Variants in RBM20 observed in about 807,000 individuals in gnomAD.
The protein encoded by RBM20 is RNA-binding protein 20.
Under a neutral mutation model 110.1 loss-of-function variants are expected in RBM20, and 51 were observed. That is an observed-to-expected ratio of 0.46 (90% CI 0.37 to 0.59). The LOEUF is 0.59. Ranked by LOEUF, RBM20 falls within the 20% of genes least tolerant of loss-of-function variation. The pLI is 0.00. For missense variants in RBM20, 1,512 were observed against 1,574.9 expected, an observed-to-expected ratio of 0.96 and a Z score of 0.68; for synonymous variants, 589 against 618.2, an observed-to-expected ratio of 0.95 and a Z score of 0.70.
intron 11 of RBM20, 126 bp downstream of exon 11, chr10:110,822,061 A>G: frequency 1.0e-6 from 1 of 959,616 alleles, no homozygotes; most frequent in Non-Finnish European, 1.6e-6. Flanking sequence ...AAGTGGGTGC[A>G]GAAAGTGATT....
At chr10:110,735,768 C>T (rs2039902) in intron 1 of RBM20, among the ~76,000 whole-genome samples, 15,512 of 152,244 alleles carry the variant, frequency 0.1, 1,073 homozygotes, top group Non-Finnish European at 0.15. Flanking sequence ...TCGGCTACTA[C>T]ATGTAGAGCT....
rs1564843957 is a variant in RBM20 at position 110,781,300 on chromosome 10, T to A, written c.691T>A (p.Tyr231Asn). Residue 231 changes from tyrosine to asparagine, a missense_variant, in exon 2 of 14, where the codon TAT becomes AAT. Tyr to Asn is a moderately radical substitution (Grantham distance 143, BLOSUM62 -2). This residue lies in a region of RBM20 where 1,149 missense variants were observed against 1,169.4 expected (regional missense o/e 0.98). Coordinates refer to ENST00000369519, the MANE Select transcript of RBM20 (RefSeq NM_001134363.3). ...PAPATAGFYEYGKASSGQTYG... is the reference protein window; with the variant it reads ...PAPATAGFYENGKASSGQTYG... ...TCCAGCTACAGCAGGATTCTATGAG[T>A]ATGGCAAAGCCAGCTCTGGCCAGAC... 2.6e-6 allele frequency: 4 copies of A among 1,551,628 alleles called. No homozygotes were observed. Among genetic ancestry groups the A allele is most frequent in the Non-Finnish European group, 2.6e-6 (3 of 1,146,992 alleles).
At chr10:110,740,689 A>G (rs982350763) in intron 1 of RBM20, among the ~76,000 whole-genome samples, 12 of 152,182 alleles carry the variant, frequency 7.9e-5, no homozygotes, top group Non-Finnish European at 2.9e-5. Flanking sequence ...TTTTGAGTTA[A>G]AGTGACTTGT....
intron 13 of RBM20, among the ~76,000 whole-genome samples, chr10:110,831,691 A>C (rs971707040): frequency 2.0e-5 from 3 of 151,216 alleles, no homozygotes; most frequent in African/African-American, 4.9e-5. Context: ...AAAAAAAAAA[A>C]CACTGCTTTG....
chr10:110,644,238 G>A (rs1372241487), upstream of RBM20, among the ~76,000 whole-genome samples: 1 of 152,036 alleles, frequency 6.6e-6, no homozygotes, highest in Non-Finnish European at 1.5e-5. This position sits in a 1 kb window ranked among gnomAD's most constrained non-coding sequence, Gnocchi z 4.3. Context: ...ACGCCCCCTG[G>A]CCCCCGCCCC....
rs138609322 is a variant in RBM20, at chr10:110,703,704, G to A, written c.191+59059G>A. Among the ~76,000 whole-genome samples, 6 of 152,298 alleles carry A rather than the reference G, an allele frequency of 3.9e-5. No individual in the cohort carries two copies. The East Asian group carries it at 1.2e-3, about 29-fold the overall frequency. ...AGATACTAAATAGTTCCATCACAAG[G>A]ATCTCTTGCTTTGCCTTTTACAACC... is the stretch of plus-strand genomic sequence containing the variant. On this transcript the variant is annotated intron_variant, in intron 1 of 13. Coordinates refer to ENST00000369519, the MANE Select transcript of RBM20 (RefSeq NM_001134363.3).
intron 10 of RBM20, among the ~76,000 whole-genome samples, 181 bp downstream of exon 10, chr10:110,820,357 G>T (rs1844892482): frequency 6.6e-6 from 1 of 152,208 alleles, no homozygotes; most frequent in Non-Finnish European, 1.5e-5. Context: ...TCTTCGGACA[G>T]TTTTTATTGA....
intron 5 of RBM20, among the ~76,000 whole-genome samples, chr10:110,794,315 A>G (rs1484748756): frequency 6.6e-6 from 1 of 152,266 alleles, no homozygotes; most frequent in Non-Finnish European, 1.5e-5. Flanking sequence ...GAATTTGATG[A>G]ACCATCCTAA....
chr10:110,770,313 C>T (rs1381681774), intron 1 of RBM20, among the ~76,000 whole-genome samples: 4 of 152,186 alleles, frequency 2.6e-5, no homozygotes, highest in Admixed American at 2.6e-4. Context: ...TCTGTCTCTG[C>T]ACCATGGCCA....
intron 9 of RBM20, among the ~76,000 whole-genome samples, chr10:110,815,096 C>T (rs1430465902): frequency 1.3e-5 from 2 of 152,168 alleles, no homozygotes; most frequent in East Asian, 1.9e-4. Flanking sequence ...GTAAAAGTGG[C>T]CCCTTCCACA....
At chr10:110,658,964 G>C (rs180759560) in intron 1 of RBM20, among the ~76,000 whole-genome samples, 66 of 152,246 alleles carry the variant, frequency 4.3e-4, no homozygotes, top group African/African-American at 1.4e-3. Flanking sequence ...CTCTCCTCTT[G>C]CTTGTCTCCC....
At chr10:110,816,215 T>A (rs1844836265) in intron 9 of RBM20, among the ~76,000 whole-genome samples, 1 of 151,046 alleles carries the variant, frequency 6.6e-6, no homozygotes, top group African/African-American at 2.5e-5. Flanking sequence ...CCACATTCTC[T>A]ACTGTCCCTG....
At chr10:110,675,977 G>A (rs970336194) in intron 1 of RBM20, among the ~76,000 whole-genome samples, 1 of 152,222 alleles carries the variant, frequency 6.6e-6, no homozygotes, top group Non-Finnish European at 1.5e-5. Flanking sequence ...AGAATGAGAA[G>A]CAGTGAGGGT....
intron 1 of RBM20, among the ~76,000 whole-genome samples, chr10:110,730,574 T>C (rs1327347780): frequency 6.6e-6 from 1 of 152,242 alleles, no homozygotes; most frequent in Non-Finnish European, 1.5e-5. Context: ...ATTGTGGCCT[T>C]GAACAAGCTT....
At chr10:110,822,501 C>T (rs1319254309) in intron 11 of RBM20, 1 of 456,522 alleles carries the variant, frequency 2.2e-6, no homozygotes, top group Non-Finnish European at 4.4e-6. Context: ...GTGCCTATGC[C>T]CGGCACTGTG....
rs1315060484 is a variant in RBM20 at position 110,781,177 on chromosome 10, C to T, written c.568C>T (p.Pro190Ser). ...PGPSMNLPNQ[P>S]PSAMVMHPFT... ...ACCCTCCATGAACCTTCCCAACCAG[C>T]CACCCAGTGCCATGGTGATGCATCC... Residue 190 changes from proline (P) to serine (S), a missense_variant, in exon 2 of 14, where the codon CCA becomes TCA. Pro to Ser is a moderately conservative substitution (Grantham distance 74). Around this residue, in one of 3 missense-constraint regions of RBM20, gnomAD observed 1,149 missense variants for 1,169.4 expected, o/e 0.98. Coordinates refer to ENST00000369519, the MANE Select transcript of RBM20 (RefSeq NM_001134363.3). 6.4e-7 allele frequency: 1 copy of T among 1,551,732 alleles called. No individual in the cohort carries two copies. Among genetic ancestry groups the T allele is most frequent in the East Asian group, 2.4e-5 (1 of 40,928 alleles).
chr10:110,653,411 A>T (rs1485558412), intron 1 of RBM20, among the ~76,000 whole-genome samples: 1 of 152,144 alleles, frequency 6.6e-6, no homozygotes, highest in African/African-American at 2.4e-5. Context: ...AACTATTTGA[A>T]AGTAATTTGC....
intron 1 of RBM20, among the ~76,000 whole-genome samples, chr10:110,680,873 G>A (rs147552819): frequency 2.6e-5 from 4 of 151,982 alleles, no homozygotes; most frequent in Non-Finnish European, 4.4e-5. Context: ...TGTTTCTCTC[G>A]TGTGCTCCCC....
chr10:110,687,579 A>G (rs1013356978), intron 1 of RBM20, among the ~76,000 whole-genome samples: 1 of 152,238 alleles, frequency 6.6e-6, no homozygotes, highest in African/African-American at 2.4e-5. Flanking sequence ...CCAGTTAATT[A>G]GTAACACATA....
Sources: gnomAD v4.1 joint callset for allele counts (sites outside exome capture counted in the v4.1 genomes callset) on GRCh38, gnomAD v4.1.1 for gene constraint, gnomAD v4.1.1 regional missense constraint, Gnocchi (gnomAD v3.1) non-coding constraint, MANE v1.5 for transcripts, NCBI Gene and HGNC (gene_info 2026-07-23, HGNC 2026-07-21) for gene names.